KIF6: variants seen among roughly 807,000 people sequenced by gnomAD.
KIF6 encodes the protein kinesin family member 6.
In KIF6, 106 loss-of-function variants were observed where a neutral mutation model predicts 112.7. The observed-to-expected ratio is 0.94, with a 90% CI of 0.80 to 1.11. The LOEUF is 1.11. Among genes scored for constraint, KIF6 ranks in the 50% least tolerant of loss-of-function variants. The pLI is 0.00. For synonymous variants in KIF6, 339 were observed against 339.9 expected, an observed-to-expected ratio of 1.00 and a Z score of 0.03; for missense variants, 929 against 964.0, an observed-to-expected ratio of 0.96 and a Z score of 0.48.
At chr6:39,361,824 G>A (rs1163216667) in intron 17 of KIF6, among the ~76,000 whole-genome samples, 1 of 152,064 alleles carries the variant, frequency 6.6e-6, no homozygotes, top group African/African-American at 2.4e-5. Flanking sequence ...GGGTTGGGGT[G>A]GGGCAGGGAG....
Position 39,545,691 on chromosome 6 carries a change from A to G in KIF6, c.1182-3T>C. On this transcript the variant is annotated splice_region_variant and splice_polypyrimidine_tract_variant and intron_variant, in intron 10 of 22. Transcript: ENST00000287152. ...AGGATGTTATTAGTTTTTCCAGCCTAAAAATACATAATGTATGAGAAGCAA... is the reference window on the plus strand; with the variant it reads ...AGGATGTTATTAGTTTTTCCAGCCTGAAAATACATAATGTATGAGAAGCAA... 6.3e-7 allele frequency: 1 copy of G among 1,577,380 alleles called. No individual in the cohort carries two copies. The highest frequency in any genetic ancestry group is 8.7e-7 in the Non-Finnish European group (1 of 1,146,906).
rs376939652 is a variant in KIF6, at chr6:39,584,953, C to T, written c.1022G>A (p.Arg341Gln). Residue 341 changes from arginine (R) to glutamine (Q), a missense_variant, in exon 9 of 23, where the codon CGA becomes CAA. Physicochemically the swap from Arg to Gln is conservative, Grantham distance 43 (BLOSUM62 1). Around this residue, in one of 2 missense-constraint regions of KIF6, gnomAD observed 688 missense variants for 662.7 expected, o/e 1.04. Transcript: ENST00000287152. ...AGCTTCATTCTTTATGAGTGCCACT[C>T]GCTGTGCAAATCTGCAGGTTGATAT... ...ESISTCRFAQ[R>Q]VALIKNEAVL... 5.9e-5 allele frequency: 95 copies of T among 1,611,942 alleles called. No individual in the cohort carries two copies. The highest frequency in any genetic ancestry group is 3.3e-4 in the Middle Eastern group (2 of 6,056).
intron 13 of KIF6, among the ~76,000 whole-genome samples, chr6:39,506,090 C>T (rs1359595786): frequency 1.3e-5 from 2 of 152,134 alleles, no homozygotes; most frequent in African/African-American, 4.8e-5. Flanking sequence ...ATAGCAAAGA[C>T]ATGGAATCAA....
At chr6:39,346,110 C>T (rs1464415484) in intron 20 of KIF6, among the ~76,000 whole-genome samples, 51 of 34,648 alleles carry the variant, frequency 1.5e-3, no homozygotes, top group East Asian at 4.8e-3. Flanking sequence ...TCCCCCCCTC[C>T]CTCTCCCTCT....
chr6:39,652,527 CA>C (rs35256748), intron 3 of KIF6, among the ~76,000 whole-genome samples: 74,881 of 140,138 alleles, frequency 0.53, 22,086 homozygotes, highest in African/African-American at 0.83. Context: ...AACTCCATCT[CA>C]AAAAAAAAAA....
At chr6:39,351,015 G>A (rs377754112) in intron 19 of KIF6, among the ~76,000 whole-genome samples, 2 of 152,078 alleles carry the variant, frequency 1.3e-5, no homozygotes, top group South Asian at 4.2e-4. Context: ...GCTGAACAGC[G>A]CTCTAGGGCT....
At chr6:39,664,484 C>A (rs909316794) in intron 3 of KIF6, among the ~76,000 whole-genome samples, 5 of 151,988 alleles carry the variant, frequency 3.3e-5, no homozygotes, top group Admixed American at 3.3e-4. Flanking sequence ...CCTCCGGACC[C>A]AAAATATACA....
chr6:39,540,829 G>A (rs1399524744), intron 12 of KIF6, among the ~76,000 whole-genome samples: 1 of 152,198 alleles, frequency 6.6e-6, no homozygotes, highest in East Asian at 1.9e-4. Context: ...GAAAAGAAGC[G>A]AATTGTTAGC....
At chr6:39,664,069 A>G (rs1786312769) in intron 3 of KIF6, among the ~76,000 whole-genome samples, 2 of 152,176 alleles carry the variant, frequency 1.3e-5, no homozygotes, top group Non-Finnish European at 2.9e-5. Context: ...CAAGTTTAAA[A>G]CAAAATAAAT....
intron 6 of KIF6, among the ~76,000 whole-genome samples, chr6:39,611,881 T>C (rs527428838): frequency 1.3e-5 from 2 of 152,278 alleles, no homozygotes; most frequent in Admixed American, 1.3e-4. Context: ...ATGGGCAAAA[T>C]GTTGGAGTAC....
chr6:39,526,746 G>A (rs1777757914), intron 13 of KIF6, among the ~76,000 whole-genome samples: 1 of 152,162 alleles, frequency 6.6e-6, no homozygotes, highest in Non-Finnish European at 1.5e-5. Context: ...TCAGTACTGT[G>A]CTCTGCAAAA....
At chr6:39,438,567 AAGATAT>A (rs1357893323) in intron 13 of KIF6, among the ~76,000 whole-genome samples, 1 of 152,226 alleles carries the variant, frequency 6.6e-6, no homozygotes, top group Non-Finnish European at 1.5e-5. Flanking sequence ...TGATAGAATA[AAGATAT>A]AAAGAAAAAA....
chr6:39,641,646 A>G (rs1038772998), intron 3 of KIF6, among the ~76,000 whole-genome samples: 25 of 151,974 alleles, frequency 1.6e-4, no homozygotes, highest in African/African-American at 6.0e-4. Flanking sequence ...AGTATAATAT[A>G]TATAAAAAAA....
chr6:39,630,663 T>C (rs1784307714), intron 5 of KIF6, among the ~76,000 whole-genome samples: 1 of 152,042 alleles, frequency 6.6e-6, no homozygotes, highest in Non-Finnish European at 1.5e-5. Context: ...ATAACTTTAA[T>C]TTCTTTTTCC....
rs1338034850 is a variant in KIF6 at position 39,331,505 on chromosome 6, C to T, written c.*5027G>A. 6.6e-6 allele frequency: 1 copy of T among 152,194 alleles called. No individual in the cohort carries two copies. The highest frequency in any genetic ancestry group is 2.4e-5 in the African/African-American group (1 of 41,406). The allele number at this position is 152,194 out of a possible 1,614,324, so 9.4% of individuals were successfully genotyped here. A position where few individuals can be genotyped will look rare whatever the true frequency, so the allele number is the denominator to read the frequency against. On this transcript the variant is annotated 3_prime_UTR_variant, in exon 23 of 23. Transcript: ENST00000287152. ...GTTCAAGTGATTGTCCTGCCTCAGC[C>T]TCCAGAGTAGCTGGGATTACAGGTG...
chr6:39,573,064 TGGTA>T (rs1343817015), intron 10 of KIF6, among the ~76,000 whole-genome samples: 8 of 151,270 alleles, frequency 5.3e-5, no homozygotes, highest in African/African-American at 1.9e-4. Flanking sequence ...GAATGTCTGA[TGGTA>T]ATATCCTTAT....
intron 13 of KIF6, among the ~76,000 whole-genome samples, chr6:39,475,431 C>T (rs1581935303): frequency 6.6e-6 from 1 of 152,212 alleles, no homozygotes; most frequent in East Asian, 1.9e-4. Flanking sequence ...TTTTAAACAG[C>T]TTATCTTCAT....
intron 15 of KIF6, 39 bp from the exon 16 acceptor site, chr6:39,385,711 A>C (rs1388641700): frequency 6.9e-7 from 1 of 1,444,514 alleles, no homozygotes; most frequent in East Asian, 2.3e-5. Context: ...GTGGGTTTCC[A>C]ATGGGCTGGA....
At chr6:39,434,663 G>A (rs568271657) in intron 13 of KIF6, among the ~76,000 whole-genome samples, 1 of 152,252 alleles carries the variant, frequency 6.6e-6, no homozygotes, top group East Asian at 1.9e-4. Context: ...TTGCTGTAGA[G>A]AGGTATGTGT....
Sources: allele counts gnomAD v4.1 joint callset (sites outside exome capture counted in the v4.1 genomes callset), GRCh38; gene constraint gnomAD v4.1.1; regional missense constraint gnomAD v4.1.1; transcripts MANE v1.5; gene names NCBI Gene and HGNC (gene_info 2026-07-23, HGNC 2026-07-21).